The following LSG1 variants were observed in gnomAD, a reference collection of about 807,000 sequenced individuals.
The protein encoded by LSG1 is large subunit GTPase 1 homolog.
In LSG1, 55 loss-of-function variants were observed where a neutral mutation model predicts 82.6. That is an observed-to-expected ratio of 0.67 (90% confidence interval 0.54 to 0.83). The LOEUF is 0.83. Ranked by LOEUF, LSG1 falls within the 40% of genes least tolerant of loss-of-function variation. LSG1 has a pLI of 0.00. For synonymous variants in LSG1, 272 were observed against 282.5 expected, an observed-to-expected ratio of 0.96 and a Z score of 0.37; for missense variants, 809 against 807.9, an observed-to-expected ratio of 1.00 and a Z score of -0.02.
At chr3:194,659,207 CCAATA>C (rs1718871840) in intron 6 of LSG1, 74 bp from the exon 7 acceptor site, 3 of 1,257,240 alleles carry the variant, frequency 2.4e-6, no homozygotes, top group Non-Finnish European at 3.4e-6. Context: ...ATTAAAGATC[CCAATA>C]CAAGTTTTTA....
chr3:194,656,778 G>C (rs1165310572), intron 7 of LSG1, among the ~76,000 whole-genome samples: 1 of 152,068 alleles, frequency 6.6e-6, no homozygotes, highest in African/African-American at 2.4e-5. Context: ...ACTGGATTAA[G>C]AAAATGTGGC....
At chr3:194,652,383 A>G (rs1207958889) in intron 8 of LSG1, among the ~76,000 whole-genome samples, 2 of 152,248 alleles carry the variant, frequency 1.3e-5, no homozygotes, top group East Asian at 3.8e-4. Context: ...CAAGGATCAC[A>G]GGGTGCCCAA....
chr3:194,664,242 C>T (rs191273165), intron 5 of LSG1, among the ~76,000 whole-genome samples: 4 of 152,124 alleles, frequency 2.6e-5, no homozygotes, highest in East Asian at 1.9e-4. Flanking sequence ...TGTGAGCCAC[C>T]GCGCTGGGCC....
At chr3:194,651,066 T>C (rs1553845649) in intron 9 of LSG1, 42 bp from the exon 10 acceptor site, 3 of 1,613,940 alleles carry the variant, frequency 1.9e-6, no homozygotes, top group East Asian at 2.2e-5. Flanking sequence ...ATACAACAGA[T>C]AAAAGGAAGA....
intron 11 of LSG1, among the ~76,000 whole-genome samples, chr3:194,647,810 C>T (rs1179384081): frequency 6.6e-6 from 1 of 152,178 alleles, no homozygotes; most frequent in Non-Finnish European, 1.5e-5. Flanking sequence ...CGGATGATTA[C>T]TCTTAAAAGC....
rs1323563288 is a variant in LSG1 at position 194,652,907 on chromosome 3, C to T, written c.995G>A (p.Cys332Tyr). Residue 332 changes from cysteine (C) to tyrosine (Y), a missense_variant, in exon 8 of 14, where the codon TGC becomes TAC. Transcript: ENST00000265245. ...AGAGCTTTCCTTCCAGTCCTGGCTG[C>T]AGTCCTCTTCCTTGGGACCGTCTTC... is the stretch of plus-strand genomic sequence containing the variant. ...SEEDGPKEED[C>Y]SQDWKESSTA... The T allele has an allele frequency of 1.9e-6, 3 of 1,614,064 alleles. No individual in the cohort carries two copies. The African/African-American group carries it at 4.0e-5, about 22-fold the overall frequency.
chr3:194,668,310 G>C (rs1719074243), intron 2 of LSG1, among the ~76,000 whole-genome samples: 1 of 152,090 alleles, frequency 6.6e-6, no homozygotes, highest in South Asian at 2.1e-4. Context: ...GGGACTGCTG[G>C]ATCAGATGGT....
chr3:194,645,531 G>GACAGACACACACACACAC (rs1718512073), intron 12 of LSG1: 2 of 35,118 alleles, frequency 5.7e-5, no homozygotes, highest in Admixed American at 3.3e-4. Context: ...CACACACACA[G>GACAGACACACACACACAC]ACAGACACAC....
At position 194,653,145 on chromosome 3, in the gene LSG1, G is replaced by C. The variant is rs1159145791; in HGVS notation, c.760-3C>G. 2.5e-6 allele frequency: 4 copies of C among 1,610,976 alleles called. No homozygotes were observed. Among genetic ancestry groups the C allele is most frequent in the Non-Finnish European group, 2.5e-6 (3 of 1,178,188 alleles). ...CTATCATCTCTGTTTGCCTCTTCCT[G>C]ACAAAATAATAGAAACGCTCAGAAG... On this transcript the variant is annotated splice_polypyrimidine_tract_variant and splice_region_variant and intron_variant, in intron 7 of 13. Transcript: ENST00000265245.
Position 194,642,100 on chromosome 3 carries a change from T to A in LSG1, c.1945A>T (p.Ser649Cys). ...KHGNRNKKEK[S>C]RRLYKHLDM ...TCCAGGTGCTTGTAGAGTCTACGAC[T>A]TTTTTCTTTTTTATTTCTGTTGCCA... Residue 649 changes from serine (S) to cysteine (C), a missense_variant, in exon 14 of 14, where the codon AGT becomes TGT. By Grantham distance (112) the Ser-to-Cys change is moderately radical. Transcript: ENST00000265245. The A allele has an allele frequency of 6.2e-7, 1 of 1,613,196 alleles. No individual in the cohort carries two copies. Among genetic ancestry groups the A allele is most frequent in the Non-Finnish European group, 8.5e-7 (1 of 1,180,030 alleles).
rs1279291034 is a variant in LSG1 at position 194,651,117 on chromosome 3, G to C, written c.1273C>G (p.Gln425Glu). 1 of 1,614,022 alleles carries C rather than the reference G, an allele frequency of 6.2e-7. No homozygotes were observed. Among genetic ancestry groups the C allele is most frequent in the Non-Finnish European group, 8.5e-7 (1 of 1,179,954 alleles). The part of the protein sequence containing the change: ...SATPGHTKHF[Q>E]TLYVEPGLCL... ...GTGGCAAAGCACCACAGAAATACCT[G>C]AAAGTGCTTTGTGTGACCAGGTGTG... Residue 425 changes from glutamine (Q) to glutamate (E), a missense_variant and splice_region_variant, in exon 9 of 14, where the codon CAG becomes GAG. Physicochemically the swap from Gln to Glu is conservative, Grantham distance 29 (BLOSUM62 2). Coordinates refer to ENST00000265245, the MANE Select transcript of LSG1 (RefSeq NM_018385.3).
Position 194,650,842 on chromosome 3 carries a change from C to A in LSG1, c.1419+39G>T, listed in dbSNP as rs1256471841. On this transcript the variant is annotated intron_variant, in intron 10 of 13. Coordinates refer to ENST00000265245, the MANE Select transcript of LSG1 (RefSeq NM_018385.3). ...AAAATAAACCTGAAGCCCTAATATG[C>A]ACGTAATAACTAGAGTGTTTCCAAA... 2.5e-6 allele frequency: 4 copies of A among 1,572,858 alleles called. No homozygotes were observed. The African/African-American group carries it at 4.1e-5, about 16-fold the overall frequency.
At chr3:194,660,434 T>A (rs1210487777) in intron 5 of LSG1, among the ~76,000 whole-genome samples, 2 of 152,032 alleles carry the variant, frequency 1.3e-5, no homozygotes, top group East Asian at 3.9e-4. Context: ...CCTAGAGGGG[T>A]TCGGATGATG....
chr3:194,651,923 T>C (rs984783050), intron 8 of LSG1, among the ~76,000 whole-genome samples: 3 of 152,302 alleles, frequency 2.0e-5, no homozygotes, highest in Middle Eastern at 3.4e-3. Flanking sequence ...TTTTAACTAC[T>C]GCACTAAAAT....
chr3:194,653,627 A>T (rs1718730438), intron 7 of LSG1, among the ~76,000 whole-genome samples: 1 of 152,150 alleles, frequency 6.6e-6, no homozygotes, highest in South Asian at 2.1e-4. Flanking sequence ...ACAGACAACC[A>T]TCGAGGGTGG....
chr3:194,657,153 G>A (rs115196236), intron 7 of LSG1, among the ~76,000 whole-genome samples: 2,097 of 144,830 alleles, frequency 0.014, 47 homozygotes, highest in African/African-American at 0.052. Context: ...TATAATAATA[G>A]TAAAATTAAA....
intron 7 of LSG1, among the ~76,000 whole-genome samples, chr3:194,656,730 A>G (rs1452228747): frequency 6.6e-6 from 1 of 152,034 alleles, no homozygotes; most frequent in African/African-American, 2.4e-5. Flanking sequence ...TCACAATAGC[A>G]AAGACTTGGA....
rs1436724058 is a variant in LSG1 at position 194,641,975 on chromosome 3, T to TGCTA, written c.*89_*92dup. 45 of 1,380,370 alleles carry TGCTA rather than the reference T, an allele frequency of 3.3e-5. No homozygotes were observed. Among genetic ancestry groups the TGCTA allele is most frequent in the Non-Finnish European group, 4.4e-5 (44 of 997,774 alleles). 85.5% of individuals were successfully genotyped at this position (1,380,370 alleles called of 1,614,324 possible). On this transcript the variant is annotated 3_prime_UTR_variant, in exon 14 of 14. Transcript: ENST00000265245. Reference sequence around the variant, plus strand: ...TGCAAGAGCAGGGCCCGTTCTACAGTGCTAGTGTCTTGGGACGGTTCCACA... The same window carrying TGCTA: ...TGCAAGAGCAGGGCCCGTTCTACAGTGCTAGCTAGTGTCTTGGGACGGTTCCACA...
intron 12 of LSG1, among the ~76,000 whole-genome samples, chr3:194,645,589 C>CAG (rs1718530766): frequency 3.2e-5 from 3 of 93,254 alleles, no homozygotes; most frequent in African/African-American, 1.5e-4. Flanking sequence ...CACACACACA[C>CAG]ACACACACAC....
Sources: gnomAD v4.1 joint callset for allele counts (sites outside exome capture counted in the v4.1 genomes callset) on GRCh38, gnomAD v4.1.1 for gene constraint, MANE v1.5 for transcripts, NCBI Gene and HGNC (gene_info 2026-07-23, HGNC 2026-07-21) for gene names.